Variants in ECM2 observed in about 807,000 individuals in gnomAD.
The protein encoded by ECM2 is extracellular matrix protein 2.
Under a neutral mutation model 67.5 loss-of-function variants are expected in ECM2, and 57 were observed. That is an observed-to-expected ratio of 0.84 (90% CI 0.68 to 1.05). The LOEUF is 1.05. Ranked by LOEUF, ECM2 falls within the 50% of genes least tolerant of loss-of-function variation. The pLI, the probability that ECM2 is intolerant of heterozygous loss-of-function variation, is 0.00. For synonymous variants in ECM2, 258 were observed against 294.5 expected, an observed-to-expected ratio of 0.88 and a Z score of 1.27; for missense variants, 741 against 822.8, an observed-to-expected ratio of 0.90 and a Z score of 1.22.
At chr9:92,529,987 C>T (rs1399119126) in intron 1 of ECM2, among the ~76,000 whole-genome samples, 1 of 152,038 alleles carries the variant, frequency 6.6e-6, no homozygotes, top group Non-Finnish European at 1.5e-5. Flanking sequence ...GTCATTGTCC[C>T]CTAAATGATA....
rs1461500401 is a variant in ECM2, at chr9:92,496,389, C to A, written c.2026G>T (p.Glu676Ter). 1 of 1,609,516 alleles carries A rather than the reference C, an allele frequency of 6.2e-7. No individual in the cohort carries two copies. Among genetic ancestry groups the A allele is most frequent in the South Asian group, 1.1e-5 (1 of 90,120 alleles). ...HLENNYIKIR[E>*]IPSYTFSCIR... ...CATGAAAATGTGTAAGATGGTATTT[C>A]TCTAATTTTAATATAATTGTTTTCA... is the stretch of plus-strand genomic sequence containing the variant. Residue 676 changes from glutamate to a stop codon, truncating the protein, a stop_gained, in exon 10 of 10, where the codon GAA (glutamate) becomes TAA (stop). Transcript: ENST00000344604. LOFTEE classifies it high-confidence loss of function.
intron 1 of ECM2, among the ~76,000 whole-genome samples, chr9:92,534,358 T>G (rs73522336): frequency 0.025 from 3,865 of 152,330 alleles, 169 homozygotes; most frequent in African/African-American, 0.088. Context: ...CAGAATCATC[T>G]TCCTCTAGTC....
At chr9:92,516,352 C>T (rs1287265608) in intron 3 of ECM2, among the ~76,000 whole-genome samples, 1 of 152,104 alleles carries the variant, frequency 6.6e-6, no homozygotes, top group Non-Finnish European at 1.5e-5. Flanking sequence ...TGTGAGCTAC[C>T]GTGCCCAGCC....
chr9:92,557,931 C>T, the ECM2 span, among the ~76,000 whole-genome samples: 9 of 152,212 alleles, frequency 5.9e-5, no homozygotes, highest in Admixed American at 5.9e-4. Context: ...GCGTGAGCCA[C>T]CGCGCCTGGC....
At chr9:92,532,044 TG>T (rs1848829568) in intron 1 of ECM2, among the ~76,000 whole-genome samples, 1 of 145,434 alleles carries the variant, frequency 6.9e-6, no homozygotes, top group Non-Finnish European at 1.5e-5. Flanking sequence ...ATTTTTTTTT[TG>T]AGATGAGGTC....
At chr9:92,526,141 T>TG (rs1435116486) in intron 1 of ECM2, among the ~76,000 whole-genome samples, 3 of 152,088 alleles carry the variant, frequency 2.0e-5, no homozygotes, top group African/African-American at 7.2e-5. Context: ...GACCTTCCAG[T>TG]GGGACAAGAT....
intron 6 of ECM2, among the ~76,000 whole-genome samples, chr9:92,509,222 A>G (rs1847191230): frequency 6.6e-6 from 1 of 152,132 alleles, no homozygotes; most frequent in African/African-American, 2.4e-5. Context: ...GTGTGGAGTT[A>G]GCAGGACTTC....
intron 1 of ECM2, among the ~76,000 whole-genome samples, chr9:92,532,012 AATG>A (rs1848792584): frequency 1.3e-5 from 1 of 78,544 alleles, no homozygotes; most frequent in Non-Finnish European, 2.4e-5. Flanking sequence ...TTTTTTATTT[AATG>A]TTTTTTTTTT....
At chr9:92,520,813 T>C (rs546293186) in intron 2 of ECM2, among the ~76,000 whole-genome samples, 1 of 152,358 alleles carries the variant, frequency 6.6e-6, no homozygotes, top group Admixed American at 6.5e-5. Flanking sequence ...AGGCTAATAA[T>C]AGATGAACTT....
At position 92,517,725 on chromosome 9, in the gene ECM2, A is replaced by T; in HGVS notation, c.443T>A (p.Ile148Lys). Reference sequence around the variant, plus strand: ...GACCGGGCAGCATTCCCCTTCAGGTATAACTGTTTGGGGGCACCTCTGGGG... The same window carrying T: ...GACCGGGCAGCATTCCCCTTCAGGTTTAACTGTTTGGGGGCACCTCTGGGG... The part of the protein sequence containing the change: ...CHPQRCPQTV[I>K]PEGECCPVCS... The change falls in exon 3 of 10, where the codon ATA becomes AAA. Residue 148 changes from isoleucine to lysine, a missense_variant. Physicochemically the swap from Ile to Lys is moderately radical, Grantham distance 102 (BLOSUM62 -3). Coordinates refer to ENST00000344604, the MANE Select transcript of ECM2 (RefSeq NM_001393.4). 1.2e-6 allele frequency: 2 copies of T among 1,614,214 alleles called. No individual in the cohort carries two copies. Among genetic ancestry groups the T allele is most frequent in the South Asian group, 2.2e-5 (2 of 91,088 alleles).
chr9:92,501,743 A>C lies in ECM2; in HGVS notation c.1605-690T>G, dbSNP rs182479686. ...GCTGCTGAGCCCAATTGGCCTCTCC[A>C]TCCTGCTTCTGAATGACACGTGTCC... On this transcript the variant is annotated intron_variant, in intron 8 of 9. Transcript: ENST00000344604. Among the ~76,000 whole-genome samples, 3 of 152,144 alleles carry C rather than the reference A, an allele frequency of 2.0e-5. No homozygotes were observed. In the East Asian group the frequency reaches 5.8e-4, roughly 30 times the overall value.
At chr9:92,526,536 G>A (rs1301853078) in intron 1 of ECM2, among the ~76,000 whole-genome samples, 7 of 150,770 alleles carry the variant, frequency 4.6e-5, no homozygotes, top group Non-Finnish European at 1.0e-4. Flanking sequence ...AAAAGCAACA[G>A]CAAACCAAAC....
intron 1 of ECM2, among the ~76,000 whole-genome samples, chr9:92,532,528 G>A (rs973380048): frequency 2.0e-5 from 3 of 151,398 alleles, no homozygotes; most frequent in Non-Finnish European, 4.4e-5. Flanking sequence ...TGTATTTTTT[G>A]TTTGTCTATC....
chr9:92,541,433 A>ACC (rs1588258090), upstream of ECM2, among the ~76,000 whole-genome samples: 6 of 13,752 alleles, frequency 4.4e-4, no homozygotes, highest in East Asian at 0.026. Context: ...CCCCGCCCAC[A>ACC]CCCCCACACC....
intron 4 of ECM2, among the ~76,000 whole-genome samples, chr9:92,513,082 C>T (rs1467315517): frequency 1.3e-5 from 2 of 152,168 alleles, no homozygotes; most frequent in Non-Finnish European, 2.9e-5. Context: ...TCCCTCACCC[C>T]AGCATCTCCA....
At chr9:92,551,139 C>A in the ECM2 span, among the ~76,000 whole-genome samples, 1 of 152,074 alleles carries the variant, frequency 6.6e-6, no homozygotes, top group South Asian at 2.1e-4. Context: ...TGCTTAGTGG[C>A]CAAGCGGAGC....
chr9:92,525,971 C>T (rs1353736271), intron 1 of ECM2, among the ~76,000 whole-genome samples: 1 of 148,472 alleles, frequency 6.7e-6, no homozygotes, highest in Admixed American at 6.7e-5. Flanking sequence ...AACTATATTA[C>T]TGGTTTATGT....
rs949701451 is a variant in ECM2, at chr9:92,535,836, A to G, written c.-28+97T>C. 4.1e-5 allele frequency: 14 copies of G among 344,834 alleles called. No individual in the cohort carries two copies. In the Admixed American group the frequency reaches 4.6e-4, roughly 11 times the overall value. 21.4% of individuals were successfully genotyped at this position (344,834 alleles called of 1,614,324 possible). ...TTTAAAAATCTATTAGTAACGAGCTAATTTACTCAAGAGTTAAACAGTTGT... is the reference window on the plus strand; with the variant it reads ...TTTAAAAATCTATTAGTAACGAGCTGATTTACTCAAGAGTTAAACAGTTGT... On this transcript the variant is annotated intron_variant, in intron 1 of 9. Transcript: ENST00000344604.
chr9:92,515,498 A>AT (rs1200693765), intron 3 of ECM2, among the ~76,000 whole-genome samples: 1 of 152,214 alleles, frequency 6.6e-6, no homozygotes, highest in Non-Finnish European at 1.5e-5. Flanking sequence ...TAAGGAGGGA[A>AT]TAATATTGCC....
Sources: allele counts gnomAD v4.1 joint callset (sites outside exome capture counted in the v4.1 genomes callset), GRCh38; gene constraint gnomAD v4.1.1; transcripts MANE v1.5; gene names NCBI Gene and HGNC (gene_info 2026-07-23, HGNC 2026-07-21).